The following UVRAG variants were observed in gnomAD, a reference collection of about 807,000 sequenced individuals.
UVRAG encodes the protein UV radiation resistance-associated gene protein.
Under a neutral mutation model 78.0 loss-of-function variants are expected in UVRAG, and 19 were observed. The ratio of observed to expected loss-of-function variants is 0.24; its 90% confidence interval spans 0.17 to 0.36. The LOEUF is 0.36. Among genes scored for constraint, UVRAG ranks in the 10% least tolerant of loss-of-function variants. The pLI is 1.00. For missense variants in UVRAG, 740 were observed against 853.8 expected (o/e 0.87, Z 1.66); for synonymous variants, 323 against 324.6 (o/e 1.00, Z 0.05).
intron 6 of UVRAG, chr11:75,916,389 A>T (rs1947857912): frequency 6.6e-6 from 1 of 152,248 alleles, no homozygotes; most frequent in South Asian, 2.1e-4. Flanking sequence ...AGTTACTGGC[A>T]TATAGTAGAC....
At chr11:76,041,168 A>G (rs1272201433) in intron 12 of UVRAG, among the ~76,000 whole-genome samples, 1 of 152,100 alleles carries the variant, frequency 6.6e-6, no homozygotes, top group Non-Finnish European at 1.5e-5. Context: ...TGTTTCAGTC[A>G]GAAAAGCAGA....
chr11:75,949,712 T>TACACACACACAC (rs1216546112), intron 6 of UVRAG, among the ~76,000 whole-genome samples: 8 of 145,232 alleles, frequency 5.5e-5, no homozygotes, highest in African/African-American at 2.1e-4. Flanking sequence ...TATATATATA[T>TACACACACACAC]ATACACACAC....
At chr11:76,014,961 T>C (rs769993761) in intron 11 of UVRAG, among the ~76,000 whole-genome samples, 12 of 152,162 alleles carry the variant, frequency 7.9e-5, no homozygotes, top group Admixed American at 2.0e-4. Flanking sequence ...TAAAAATAAT[T>C]AGGATTCTAG....
intron 13 of UVRAG, among the ~76,000 whole-genome samples, chr11:76,096,538 A>G (rs1200050267): frequency 6.6e-6 from 1 of 152,206 alleles, no homozygotes; most frequent in Non-Finnish European, 1.5e-5. Context: ...TGGAATGGAA[A>G]GCCTGGGCTA....
At chr11:76,125,871 A>T (rs1271069905) in intron 14 of UVRAG, among the ~76,000 whole-genome samples, 1 of 151,984 alleles carries the variant, frequency 6.6e-6, no homozygotes. Context: ...TCTAATTCAG[A>T]TCTTACCATC....
intron 13 of UVRAG, among the ~76,000 whole-genome samples, chr11:76,104,307 G>A (rs1213642142): frequency 4.6e-5 from 7 of 152,082 alleles, no homozygotes; most frequent in South Asian, 2.1e-4. Flanking sequence ...TATCATCATC[G>A]TTCTTAAGTG....
chr11:75,887,599 T>C (rs990253727), intron 4 of UVRAG, among the ~76,000 whole-genome samples: 2 of 151,664 alleles, frequency 1.3e-5, no homozygotes, highest in South Asian at 4.2e-4. Context: ...AGGCGCCCGC[T>C]ACCACGCCCA....
chr11:75,916,186 G>A (rs1371443310), intron 6 of UVRAG: 1 of 152,090 alleles, frequency 6.6e-6, no homozygotes, highest in African/African-American at 2.4e-5. Context: ...AAAATAAAGG[G>A]CTTTGGTCCT....
chr11:75,885,865 T>C (rs1441700788), intron 4 of UVRAG, among the ~76,000 whole-genome samples: 1 of 152,184 alleles, frequency 6.6e-6, no homozygotes, highest in Non-Finnish European at 1.5e-5. Context: ...GCCTTATTCC[T>C]AATACATTAT....
chr11:76,048,675 C>T (rs1950808038), intron 12 of UVRAG, among the ~76,000 whole-genome samples: 2 of 152,158 alleles, frequency 1.3e-5, no homozygotes, highest in South Asian at 4.1e-4. Flanking sequence ...ATGTCTTTCT[C>T]AAATACATTC....
At chr11:75,976,517 G>C (rs1386309858) in intron 7 of UVRAG, among the ~76,000 whole-genome samples, 1 of 151,998 alleles carries the variant, frequency 6.6e-6, no homozygotes, top group Non-Finnish European at 1.5e-5. Flanking sequence ...TTGGTTGGTA[G>C]GCTCTTAATT....
intron 11 of UVRAG, among the ~76,000 whole-genome samples, chr11:76,012,305 C>T (rs1950064519): frequency 2.0e-5 from 3 of 151,086 alleles, no homozygotes; most frequent in African/African-American, 7.3e-5. Flanking sequence ...AGGAATTACC[C>T]TCAATTTAAA....
In UVRAG at chr11:75,844,678, C is replaced by CTT. The variant is rs111624830; in HGVS notation, c.118-7194_118-7193dup. On this transcript the variant is annotated intron_variant, in intron 1 of 14. Transcript: ENST00000356136. ...AAAGCAGATGTTTCTCTTTTCTTTT[C>CTT]TTTTTTTTTTTTGAGACAAGGCCTC... Among the ~76,000 whole-genome samples, 627 of 143,028 alleles carry CTT rather than the reference C, an allele frequency of 4.4e-3. 3 individuals are homozygous for CTT. The highest frequency in any genetic ancestry group is 0.015 in the African/African-American group (538 of 37,020). 93.8% of individuals were successfully genotyped at this position (143,028 alleles called of 152,430 possible). A position where few individuals can be genotyped will look rare whatever the true frequency, so the allele number is the denominator to read the frequency against.
chr11:76,058,161 C>G (rs556173790), intron 12 of UVRAG, among the ~76,000 whole-genome samples: 2 of 152,192 alleles, frequency 1.3e-5, no homozygotes, highest in South Asian at 4.2e-4. Context: ...CTAAGCATAC[C>G]AGAGTTAACT....
chr11:76,088,942 A>G (rs1466985083), intron 13 of UVRAG, among the ~76,000 whole-genome samples: 1 of 152,228 alleles, frequency 6.6e-6, no homozygotes, highest in Admixed American at 6.5e-5. Context: ...TAAGGGCCAG[A>G]GACTGAGGTT....
intron 12 of UVRAG, among the ~76,000 whole-genome samples, chr11:76,053,330 CACACACACACACAA>C (rs1950906936): frequency 2.6e-5 from 4 of 151,516 alleles, no homozygotes; most frequent in Admixed American, 2.6e-4. Flanking sequence ...CACACACACA[CACACACACACACAA>C]AAATAAATAT....
At chr11:75,933,028 A>G (rs972832017) in intron 6 of UVRAG, among the ~76,000 whole-genome samples, 2 of 152,248 alleles carry the variant, frequency 1.3e-5, no homozygotes, top group Non-Finnish European at 2.9e-5. Context: ...ATATGGAACC[A>G]CAAAACACCC....
intron 6 of UVRAG, among the ~76,000 whole-genome samples, chr11:75,949,692 CATATAT>C (rs35234096): frequency 3.6e-5 from 5 of 140,164 alleles, no homozygotes; most frequent in Admixed American, 1.4e-4. Context: ...CAATAAAATA[CATATAT>C]ATATATATAT....
chr11:75,977,291 A>C (rs537395471), intron 7 of UVRAG, among the ~76,000 whole-genome samples: 2 of 152,268 alleles, frequency 1.3e-5, no homozygotes, highest in Admixed American at 6.5e-5. Flanking sequence ...ACTTCCAACT[A>C]TGTGGTCAAT....
Sources: gnomAD v4.1 joint callset for allele counts (sites outside exome capture counted in the v4.1 genomes callset) on GRCh38, gnomAD v4.1.1 for gene constraint, MANE v1.5 for transcripts, NCBI Gene and HGNC (gene_info 2026-07-23, HGNC 2026-07-21) for gene names.